Variants in ZNF331 observed in about 807,000 individuals in gnomAD.
ZNF331 encodes zinc finger protein 331.
A neutral mutation model predicts 7.0 loss-of-function variants in ZNF331; 2 were observed. That is an observed-to-expected ratio of 0.29 (90% CI 0.12 to 0.90). ZNF331 has a LOEUF of 0.90. ZNF331 is among the 40% of genes least tolerant of loss of function. The pLI is 0.58. For synonymous variants in ZNF331, 196 were observed against 205.4 expected (o/e 0.95, Z 0.39); for missense variants, 432 against 587.7 (o/e 0.74, Z 2.74).
At chr19:53,574,937 C>CTTTTTT (rs11354144) in intron 5 of ZNF331, among the ~76,000 whole-genome samples, 4 of 119,516 alleles carry the variant, frequency 3.3e-5, no homozygotes, top group Admixed American at 8.7e-5. Context: ...TTTTTCTTTT[C>CTTTTTT]TTTTTTTTTT....
At chr19:53,565,851 A>G (rs2090128076) in intron 3 of ZNF331, among the ~76,000 whole-genome samples, 1 of 152,192 alleles carries the variant, frequency 6.6e-6, no homozygotes, top group Non-Finnish European at 1.5e-5. Context: ...AGAAAAAAAA[A>G]GAAACCTTCT....
intron 2 of ZNF331, among the ~76,000 whole-genome samples, chr19:53,523,903 A>G (rs1234925906): frequency 7.3e-6 from 1 of 136,910 alleles, no homozygotes; most frequent in Non-Finnish European, 1.6e-5. Context: ...TCCTAATGCT[A>G]TCCCTCCCCC....
At chr19:53,516,427 C>A (rs941180617), upstream of ZNF331, among the ~76,000 whole-genome samples, 1 of 135,256 alleles carries the variant, frequency 7.4e-6, no homozygotes, top group Non-Finnish European at 1.6e-5. Context: ...CTGGCCTGGA[C>A]AACAGAACGA....
intron 3 of ZNF331, among the ~76,000 whole-genome samples, chr19:53,565,615 C>G (rs757364361): frequency 1.3e-5 from 2 of 152,078 alleles, no homozygotes; most frequent in African/African-American, 4.8e-5. Context: ...GAAACTCCAC[C>G]TCCTGGGTTC....
rs2089814964 is a variant in ZNF331 at position 53,560,464 on chromosome 19, G to C, written c.-74+4556G>C. On this transcript the variant is annotated intron_variant, in intron 3 of 5. Transcript: ENST00000449416. This position sits in a 1 kb window ranked among gnomAD's most constrained non-coding sequence, Gnocchi z 4.3. ...CACAGTGAAAGGATGTTCCATAACAGGAAGGTTATGCCTGATTCAGTGACA... is the reference window on the plus strand; with the variant it reads ...CACAGTGAAAGGATGTTCCATAACACGAAGGTTATGCCTGATTCAGTGACA... Among the ~76,000 whole-genome samples, 2 of 152,100 alleles carry C rather than the reference G, an allele frequency of 1.3e-5. No individual in the cohort carries two copies. Among genetic ancestry groups the C allele is most frequent in the African/African-American group, 2.4e-5 (1 of 41,408 alleles).
chr19:53,506,691 C>A, the ZNF331 span, among the ~76,000 whole-genome samples: 1 of 152,058 alleles, frequency 6.6e-6, no homozygotes, highest in African/African-American at 2.4e-5. Context: ...GCAGGGTTCC[C>A]AGTGAGGGCG....
At chr19:53,506,801 CTA>C in the ZNF331 span, among the ~76,000 whole-genome samples, 2 of 152,120 alleles carry the variant, frequency 1.3e-5, no homozygotes, top group African/African-American at 4.8e-5. Context: ...CTTCGTGTCC[CTA>C]TGTACCAGAG....
chr19:53,528,574 C>T (rs909614339), intron 2 of ZNF331, among the ~76,000 whole-genome samples: 1 of 152,178 alleles, frequency 6.6e-6, no homozygotes, highest in Admixed American at 6.5e-5. Context: ...TTCAGAATCA[C>T]ACCCTGAAAG....
At chr19:53,559,845 T>C (rs1443627173) in intron 3 of ZNF331, among the ~76,000 whole-genome samples, 1 of 150,888 alleles carries the variant, frequency 6.6e-6, no homozygotes, top group Admixed American at 6.6e-5. Flanking sequence ...TATATACATA[T>C]ACACATATAC....
At chr19:53,548,849 T>C (rs1394556086) in intron 2 of ZNF331, among the ~76,000 whole-genome samples, 2 of 151,962 alleles carry the variant, frequency 1.3e-5, no homozygotes, top group Non-Finnish European at 2.9e-5. Context: ...TTTTTTCTTT[T>C]TCTTCTTTTT....
the ZNF331 span, among the ~76,000 whole-genome samples, chr19:53,513,376 AAG>A: frequency 3.9e-5 from 6 of 152,146 alleles, no homozygotes; most frequent in African/African-American, 1.4e-4. Context: ...TAAAATTAAA[AAG>A]AATTTTAATT....
upstream of ZNF331, among the ~76,000 whole-genome samples, chr19:53,516,821 C>T (rs1223527566): frequency 6.6e-6 from 1 of 152,058 alleles, no homozygotes; most frequent in African/African-American, 2.4e-5. Flanking sequence ...CTTTTTTATT[C>T]TACTTTCTTA....
At chr19:53,568,545 T>C (rs763640321) in intron 3 of ZNF331, among the ~76,000 whole-genome samples, 1 of 152,188 alleles carries the variant, frequency 6.6e-6, no homozygotes, top group Admixed American at 6.5e-5. Context: ...ATCCCTTGAT[T>C]AGTATTTCTG....
chr19:53,508,863 A>G, the ZNF331 span, among the ~76,000 whole-genome samples: 2 of 152,174 alleles, frequency 1.3e-5, no homozygotes, highest in African/African-American at 2.4e-5. Flanking sequence ...GTAGGGGATC[A>G]TGAGAATAAA....
the ZNF331 span, among the ~76,000 whole-genome samples, chr19:53,511,298 T>C: frequency 1.1e-4 from 16 of 152,272 alleles, no homozygotes; most frequent in African/African-American, 3.1e-4. Flanking sequence ...TACTTATATA[T>C]TCCCTACATA....
intron 2 of ZNF331, among the ~76,000 whole-genome samples, chr19:53,543,581 T>C (rs968381385): frequency 6.6e-6 from 1 of 152,140 alleles, no homozygotes; most frequent in Non-Finnish European, 1.5e-5. Context: ...TATGAATTTT[T>C]TAAAAATAAA....
chr19:53,569,456 T>C, intron 4 of ZNF331, 71 bp downstream of exon 4: 2 of 1,554,696 alleles, frequency 1.3e-6, no homozygotes, highest in African/African-American at 2.7e-5. Flanking sequence ...GTGAATTATC[T>C]GAAGCCTTTT....
At chr19:53,515,428 G>C (rs1265284806), upstream of ZNF331, among the ~76,000 whole-genome samples, 11 of 101,358 alleles carry the variant, frequency 1.1e-4, no homozygotes, top group African/African-American at 5.8e-4. Flanking sequence ...AGCAGCATTT[G>C]TGTCATTTTA....
At chr19:53,518,305 T>C (rs1430063343), upstream of ZNF331, among the ~76,000 whole-genome samples, 2 of 151,986 alleles carry the variant, frequency 1.3e-5, no homozygotes, top group African/African-American at 4.8e-5. Context: ...CCGGGGGCCC[T>C]GTGGCCTCTG....
Sources: allele counts gnomAD v4.1 joint callset (sites outside exome capture counted in the v4.1 genomes callset), GRCh38; gene constraint gnomAD v4.1.1; non-coding constraint Gnocchi (gnomAD v3.1); transcripts MANE v1.5; gene names NCBI Gene and HGNC (gene_info 2026-07-23, HGNC 2026-07-21).